ADAM17: variants seen among roughly 807,000 people sequenced by gnomAD.
The protein encoded by ADAM17 is ADAM metallopeptidase domain 17, also known as disintegrin and metalloproteinase domain-containing protein 17.
Under a neutral mutation model 96.7 loss-of-function variants are expected in ADAM17, and 39 were observed. The observed-to-expected ratio is 0.40, with a 90% confidence interval of 0.31 to 0.53. The LOEUF is 0.53. Ranked by LOEUF, ADAM17 falls within the 20% of genes least tolerant of loss-of-function variation. ADAM17 has a pLI of 0.44. For synonymous variants in ADAM17, 344 were observed against 359.2 expected, an observed-to-expected ratio of 0.96 and a Z score of 0.48; for missense variants, 777 against 1,013.2, an observed-to-expected ratio of 0.77 and a Z score of 3.17.
chr2:9,503,071 C>T (rs1663114690), intron 12 of ADAM17, among the ~76,000 whole-genome samples: 1 of 145,762 alleles, frequency 6.9e-6, no homozygotes, highest in Non-Finnish European at 1.5e-5. Context: ...ACCTGGAAGG[C>T]AGAGGTTGCG....
intron 1 of ADAM17, among the ~76,000 whole-genome samples, chr2:9,552,713 C>A (rs1268561842): frequency 6.6e-6 from 1 of 152,182 alleles, no homozygotes; most frequent in Non-Finnish European, 1.5e-5. Flanking sequence ...CAAAGTGAGA[C>A]TTATACACCC....
chr2:9,508,643 T>C (rs1053578863), intron 11 of ADAM17, among the ~76,000 whole-genome samples: 1 of 152,188 alleles, frequency 6.6e-6, no homozygotes, highest in Non-Finnish European at 1.5e-5. Context: ...AAATAGAATT[T>C]ACAATTCAGT....
intron 6 of ADAM17, among the ~76,000 whole-genome samples, chr2:9,523,642 A>G (rs1386755348): frequency 6.6e-6 from 1 of 152,218 alleles, no homozygotes; most frequent in Non-Finnish European, 1.5e-5. Flanking sequence ...GTTTCAGCCA[A>G]TAATAAAAAT....
chr2:9,507,813 C>A (rs1169881295), intron 11 of ADAM17, among the ~76,000 whole-genome samples: 2 of 152,076 alleles, frequency 1.3e-5, no homozygotes, highest in Non-Finnish European at 2.9e-5. Context: ...TTGAACTCCC[C>A]GGGTTCCTCC....
chr2:9,506,616 C>T (rs1194780391), intron 11 of ADAM17, among the ~76,000 whole-genome samples: 3 of 151,986 alleles, frequency 2.0e-5, no homozygotes, highest in Non-Finnish European at 4.4e-5. Context: ...CTGCCCACCT[C>T]GGTCTCCAAA....
Position 9,523,317 on chromosome 2 carries a change from C to G in ADAM17, c.775G>C (p.Asp259His), listed in dbSNP as rs1417040169. The change falls in exon 7 of 19, where the codon GAT (aspartate) becomes CAT (histidine). Residue 259 changes from aspartate to histidine, a missense_variant. Asp to His is a moderately conservative substitution (Grantham distance 81, BLOSUM62 -1). Transcript: ENST00000310823. ...NYLIELIDRV[D>H]DIYRNTSWDN... is the part of the protein sequence containing the mutation. Reference sequence around the variant, plus strand: ...CATGAAGTGTTCCGATAGATGTCATCAACTCTGTCAATTAGCTCTATCTGT... The same window carrying G: ...CATGAAGTGTTCCGATAGATGTCATGAACTCTGTCAATTAGCTCTATCTGT... 11 of 1,612,376 alleles carry G rather than the reference C, an allele frequency of 6.8e-6. No homozygotes were observed. The highest frequency in any genetic ancestry group is 8.5e-6 in the Non-Finnish European group (10 of 1,179,098).
intron 1 of ADAM17, among the ~76,000 whole-genome samples, chr2:9,546,309 T>C (rs962597148): frequency 6.6e-6 from 1 of 152,226 alleles, no homozygotes; most frequent in African/African-American, 2.4e-5. Flanking sequence ...TTTAAAATAC[T>C]TAACTAATGC....
chr2:9,502,410 C>A, intron 12 of ADAM17, 134 bp from the exon 13 acceptor site: 1 of 696,440 alleles, frequency 1.4e-6, no homozygotes, highest in Non-Finnish European at 2.5e-6. Context: ...ACTCCTACAT[C>A]ATCAGACATC....
rs1179972919 is a variant in ADAM17 at position 9,539,215 on chromosome 2, C to T, written c.231-2387G>A. 2.6e-5 allele frequency among the ~76,000 whole-genome samples: 4 copies of T among 151,806 alleles called. No homozygotes were observed. The East Asian group carries it at 7.8e-4, about 30-fold the overall frequency. ...CTCCACCTCCTGGGTTCACGCCATT[C>T]CCCTGCCTCAGCCTCCCAAATAGCT... On this transcript the variant is annotated intron_variant, in intron 2 of 18. Transcript: ENST00000310823.
chr2:9,502,377 A>G, intron 12 of ADAM17, 101 bp from the exon 13 acceptor site: 1 of 1,021,518 alleles, frequency 9.8e-7, no homozygotes. Context: ...ATCACCGGGG[A>G]AGACCTCCTG....
At chr2:9,493,967 C>G (rs971517829) in intron 15 of ADAM17, 142 bp from the exon 16 acceptor site, 12 of 627,404 alleles carry the variant, frequency 1.9e-5, no homozygotes, top group Non-Finnish European at 3.3e-5. Flanking sequence ...GCAATAACTT[C>G]CGCGTAATGA....
intron 2 of ADAM17, among the ~76,000 whole-genome samples, chr2:9,542,395 C>T (rs1208032142): frequency 6.6e-6 from 1 of 152,046 alleles, no homozygotes; most frequent in Admixed American, 6.6e-5. Flanking sequence ...AAATATGAAG[C>T]AGGTTAAAGA....
At chr2:9,507,208 G>A (rs1010554552) in intron 11 of ADAM17, among the ~76,000 whole-genome samples, 1 of 151,974 alleles carries the variant, frequency 6.6e-6, no homozygotes, top group Admixed American at 6.5e-5. Flanking sequence ...TTAAAACATA[G>A]GCTGGGCACA....
intron 7 of ADAM17, among the ~76,000 whole-genome samples, chr2:9,522,625 A>G (rs932656594): frequency 3.3e-5 from 5 of 152,228 alleles, no homozygotes; most frequent in African/African-American, 1.2e-4. Context: ...AAGCTTGGAA[A>G]AAAATAGAGA....
At chr2:9,540,846 T>C (rs1416799492) in intron 2 of ADAM17, among the ~76,000 whole-genome samples, 1 of 152,174 alleles carries the variant, frequency 6.6e-6, no homozygotes, top group Non-Finnish European at 1.5e-5. Context: ...AACTATAAAA[T>C]GCCATGCCCT....
At chr2:9,555,472 C>T in intron 1 of ADAM17, 37 bp downstream of exon 1, 2 of 1,516,534 alleles carry the variant, frequency 1.3e-6, no homozygotes, top group Non-Finnish European at 1.8e-6. Context: ...ACGAGCGCTC[C>T]AGGCGCCGGC....
At chr2:9,545,000 T>G (rs977867369) in intron 1 of ADAM17, among the ~76,000 whole-genome samples, 1 of 152,176 alleles carries the variant, frequency 6.6e-6, no homozygotes, top group African/African-American at 2.4e-5. Context: ...CTGATACAGG[T>G]TGGTACATGA....
chr2:9,547,775 T>G (rs775162045), intron 1 of ADAM17, among the ~76,000 whole-genome samples: 1 of 152,124 alleles, frequency 6.6e-6, no homozygotes, highest in Non-Finnish European at 1.5e-5. Context: ...ATAGGCCAGC[T>G]GTGGTGGCTC....
At chr2:9,490,981 C>T (rs746565191) in intron 18 of ADAM17, 120 bp downstream of exon 18, 213 of 864,208 alleles carry the variant, frequency 2.5e-4, no homozygotes, top group Non-Finnish European at 3.4e-4. Context: ...CTAGACCCTT[C>T]CTGCTGCAAC....
Sources: gnomAD v4.1 joint callset for allele counts (sites outside exome capture counted in the v4.1 genomes callset) on GRCh38, gnomAD v4.1.1 for gene constraint, MANE v1.5 for transcripts, NCBI Gene and HGNC (gene_info 2026-07-23, HGNC 2026-07-21) for gene names.